The following CCDC149 variants were observed in gnomAD, a reference collection of about 807,000 sequenced individuals.
CCDC149 encodes coiled-coil domain-containing protein 149.
Under a neutral mutation model 59.9 loss-of-function variants are expected in CCDC149, and 45 were observed. The ratio of observed to expected loss-of-function variants is 0.75; its 90% CI spans 0.59 to 0.96. CCDC149 has a LOEUF of 0.96. CCDC149 is among the 40% of genes least tolerant of loss of function. The probability of loss-of-function intolerance (pLI) is 0.00; values close to 1 mark genes in which losing one functional copy is unlikely to be tolerated. For synonymous variants in CCDC149, 245 were observed against 260.6 expected (o/e 0.94, Z 0.58); for missense variants, 584 against 664.7 (o/e 0.88, Z 1.33).
rs1217691635 is a variant in CCDC149 at position 24,873,686 on chromosome 4, T to A, written c.259A>T (p.Lys87Ter). The change falls in exon 3 of 13, where the codon AAA (lysine) becomes TAA (stop). Residue 87 changes from lysine (K) to a stop codon, truncating the protein, a stop_gained. Coordinates refer to ENST00000635206, the MANE Select transcript of CCDC149 (RefSeq NM_001330643.2). LOFTEE classifies it high-confidence loss of function. Reference sequence around the variant, plus strand: ...AGATCAGAAATAAGTCTTACCTGTTTCCTTTTTTCAGGAGGAAGTGATGGA... The same window carrying A: ...AGATCAGAAATAAGTCTTACCTGTTACCTTTTTTCAGGAGGAAGTGATGGA... 1 of 1,607,588 alleles carries A rather than the reference T, an allele frequency of 6.2e-7. No individual in the cohort carries two copies. The highest frequency in any genetic ancestry group is 8.5e-7 in the Non-Finnish European group (1 of 1,174,416).
chr4:24,863,864 A>C (rs1560224237), intron 3 of CCDC149, among the ~76,000 whole-genome samples: 1 of 152,228 alleles, frequency 6.6e-6, no homozygotes, highest in Non-Finnish European at 1.5e-5. Context: ...TATCAGTTTA[A>C]GATTGTGAGG....
At chr4:24,891,217 C>T (rs574765258) in intron 1 of CCDC149, among the ~76,000 whole-genome samples, 2 of 152,278 alleles carry the variant, frequency 1.3e-5, no homozygotes, top group Admixed American at 6.5e-5. Context: ...AAAAGTCAGG[C>T]GGAGATTTAT....
chr4:24,945,443 T>C (rs1414074988), intron 1 of CCDC149, among the ~76,000 whole-genome samples: 2 of 152,060 alleles, frequency 1.3e-5, no homozygotes, highest in African/African-American at 4.8e-5. Context: ...GGAAAACCAA[T>C]GAATTGCTAG....
intron 1 of CCDC149, among the ~76,000 whole-genome samples, chr4:24,977,520 A>C (rs1254923535): frequency 6.6e-6 from 1 of 152,192 alleles, no homozygotes; most frequent in African/African-American, 2.4e-5. Context: ...AATCCTAATT[A>C]ATATTATCTG....
At chr4:24,939,768 T>C (rs1159570642) in intron 1 of CCDC149, among the ~76,000 whole-genome samples, 1 of 151,970 alleles carries the variant, frequency 6.6e-6, no homozygotes, top group Admixed American at 6.6e-5. Flanking sequence ...CAGTAACCGA[T>C]GCGATCAAGT....
Position 24,837,240 on chromosome 4 carries a change from C to A in CCDC149, c.650G>T (p.Cys217Phe). 6.2e-7 allele frequency: 1 copy of A among 1,614,182 alleles called. No homozygotes were observed. The highest frequency in any genetic ancestry group is 1.1e-5 in the South Asian group (1 of 91,072). ...CCTGGCCACTTGCCTGTTCTCCATA[C>A]ACAGGGCGTCCACGTCAATGATGCG... The change falls in exon 6 of 13, where the codon TGT (cysteine) becomes TTT (phenylalanine). Residue 217 changes from cysteine to phenylalanine, a missense_variant. Transcript: ENST00000635206. This position sits in a 1 kb window ranked among gnomAD's most constrained non-coding sequence, Gnocchi z 4.3.
At chr4:24,828,613 A>G (rs1472046668) in intron 9 of CCDC149, 1 of 152,086 alleles carries the variant, frequency 6.6e-6, no homozygotes, top group Non-Finnish European at 1.5e-5. Context: ...CCCTATCTCT[A>G]CTAAAAAAAT....
upstream of CCDC149, chr4:24,980,185 C>T (rs553970265): frequency 1.3e-5 from 2 of 152,150 alleles, no homozygotes; most frequent in African/African-American, 2.4e-5. Flanking sequence ...AGTACGCAAT[C>T]GCGGATTCAC....
At chr4:24,814,903 T>G (rs1577375593) in intron 12 of CCDC149, among the ~76,000 whole-genome samples, 2 of 152,212 alleles carry the variant, frequency 1.3e-5, no homozygotes, top group Admixed American at 1.3e-4. Context: ...GAAAGTTGAT[T>G]CCTCCATGAC....
At chr4:24,932,749 G>A (rs964085825) in intron 1 of CCDC149, among the ~76,000 whole-genome samples, 15 of 152,142 alleles carry the variant, frequency 9.9e-5, no homozygotes, top group African/African-American at 3.6e-4. Context: ...AATGAATAGG[G>A]CAGAATACCT....
Position 24,853,065 on chromosome 4 carries a change from A to C in CCDC149, c.372+7T>G, listed in dbSNP as rs757773184. 28 of 1,578,042 alleles carry C rather than the reference A, an allele frequency of 1.8e-5. No individual in the cohort carries two copies. The Admixed American group carries it at 4.5e-4, about 25-fold the overall frequency. ...CAGAGCTTCTTCCCTGTAAATACTC[A>C]CAGTACCTTGTTGTCGCCCTGGACT... is the stretch of plus-strand genomic sequence containing the variant. On this transcript the variant is annotated splice_region_variant and intron_variant, in intron 4 of 12. Coordinates refer to ENST00000635206, the MANE Select transcript of CCDC149 (RefSeq NM_001330643.2).
At chr4:24,889,896 A>G (rs1720429223) in intron 1 of CCDC149, among the ~76,000 whole-genome samples, 1 of 152,206 alleles carries the variant, frequency 6.6e-6, no homozygotes, top group Non-Finnish European at 1.5e-5. Flanking sequence ...GCATATTATC[A>G]GCTCTTAACT....
chr4:24,834,174 C>G (rs1716344151), intron 8 of CCDC149, among the ~76,000 whole-genome samples: 1 of 152,070 alleles, frequency 6.6e-6, no homozygotes, highest in Non-Finnish European at 1.5e-5. Context: ...GCTGGAGACT[C>G]AGCACTTTTT....
At chr4:24,820,847 C>A (rs923796872) in intron 11 of CCDC149, among the ~76,000 whole-genome samples, 4 of 152,182 alleles carry the variant, frequency 2.6e-5, no homozygotes, top group African/African-American at 9.7e-5. Context: ...AGGGCCACAG[C>A]ATAAAATTCA....
chr4:24,959,704 A>T (rs1451514414), intron 1 of CCDC149, among the ~76,000 whole-genome samples: 1 of 152,234 alleles, frequency 6.6e-6, no homozygotes, highest in Non-Finnish European at 1.5e-5. Flanking sequence ...AAAGACAGAG[A>T]TGACAACAGC....
At chr4:24,880,758 G>A (rs1236450033) in intron 1 of CCDC149, among the ~76,000 whole-genome samples, 1 of 152,156 alleles carries the variant, frequency 6.6e-6, no homozygotes, top group African/African-American at 2.4e-5. Flanking sequence ...GGCTCCCAGA[G>A]GAAGATCAGT....
intron 12 of CCDC149, among the ~76,000 whole-genome samples, chr4:24,814,685 C>T (rs1026057838): frequency 4.6e-5 from 7 of 152,222 alleles, no homozygotes; most frequent in Admixed American, 6.5e-5. Flanking sequence ...CAAATCTCAC[C>T]ATGTCTTTCC....
Position 24,877,498 on chromosome 4 carries a change from T to G in CCDC149, c.64-801A>C, listed in dbSNP as rs578075372. Reference sequence around the variant, plus strand: ...CATGCCTGGCCCATGTAGTTTTTATTGTAAAAAAAAAATGCCCAAAAAGTT... The same window carrying G: ...CATGCCTGGCCCATGTAGTTTTTATGGTAAAAAAAAAATGCCCAAAAAGTT... On this transcript the variant is annotated intron_variant, in intron 1 of 12. Coordinates refer to ENST00000635206, the MANE Select transcript of CCDC149 (RefSeq NM_001330643.2). Among the ~76,000 whole-genome samples the G allele has an allele frequency of 2.6e-5, 4 of 151,934 alleles. No individual in the cohort carries two copies. In the East Asian group the frequency reaches 7.7e-4, roughly 29 times the overall value.
intron 1 of CCDC149, among the ~76,000 whole-genome samples, chr4:24,881,337 T>A (rs1205835541): frequency 6.6e-6 from 1 of 152,032 alleles, no homozygotes; most frequent in Non-Finnish European, 1.5e-5. Flanking sequence ...CCCGATAAAA[T>A]GGGATTGGAA....
Sources: gnomAD v4.1 joint callset for allele counts (sites outside exome capture counted in the v4.1 genomes callset) on GRCh38, gnomAD v4.1.1 for gene constraint, Gnocchi (gnomAD v3.1) non-coding constraint, MANE v1.5 for transcripts, NCBI Gene and HGNC (gene_info 2026-07-23, HGNC 2026-07-21) for gene names.